MRTFA: variants seen among roughly 807,000 people sequenced by gnomAD.
MRTFA encodes the protein myocardin related transcription factor A.
In MRTFA, 20 loss-of-function variants were observed where a neutral mutation model predicts 83.5. That is an observed-to-expected ratio of 0.24 (90% CI 0.17 to 0.35). The LOEUF is 0.35. MRTFA is among the 10% of genes least tolerant of loss of function. The pLI, the probability that MRTFA is intolerant of heterozygous loss-of-function variation, is 1.00. For missense variants in MRTFA, 1,200 were observed against 1,224.7 expected, an observed-to-expected ratio of 0.98 and a Z score of 0.30; for synonymous variants, 659 against 541.2, an observed-to-expected ratio of 1.22 and a Z score of -3.02.
At chr22:40,479,297 C>A (rs944464207) in intron 3 of MRTFA, among the ~76,000 whole-genome samples, 3 of 152,180 alleles carry the variant, frequency 2.0e-5, no homozygotes, top group Admixed American at 2.0e-4. Context: ...TAGGGTGGGG[C>A]AACCAGCCTT....
intron 4 of MRTFA, among the ~76,000 whole-genome samples, chr22:40,450,863 T>C (rs2053474117): frequency 6.6e-6 from 1 of 152,158 alleles, no homozygotes; most frequent in African/African-American, 2.4e-5. Flanking sequence ...AACTGTGACT[T>C]TCAGGAATTA....
At chr22:40,569,754 TA>T (rs1569333049) in intron 2 of MRTFA, 134 of 151,622 alleles carry the variant, frequency 8.8e-4, no homozygotes, top group African/African-American at 2.9e-3. Context: ...CATACATACA[TA>T]CATACATACA....
intron 2 of MRTFA, among the ~76,000 whole-genome samples, chr22:40,585,960 G>A (rs1446764246): frequency 2.7e-4 from 41 of 152,126 alleles, no homozygotes; most frequent in Non-Finnish European, 4.7e-4. Context: ...ATAGAAACGA[G>A]CAGATTGCAC....
At chr22:40,518,544 A>C (rs2054800850) in intron 3 of MRTFA, among the ~76,000 whole-genome samples, 1 of 152,082 alleles carries the variant, frequency 6.6e-6, no homozygotes, top group African/African-American at 2.4e-5. Flanking sequence ...CTGTAATGCC[A>C]GCACTTTGGG....
intron 2 of MRTFA, among the ~76,000 whole-genome samples, chr22:40,588,872 C>T (rs923653549): frequency 2.6e-5 from 4 of 152,076 alleles, no homozygotes; most frequent in Non-Finnish European, 5.9e-5. Flanking sequence ...ATCCTAGCTA[C>T]CGAGGAGGCT....
At chr22:40,635,189 C>T (rs1416215361) in intron 1 of MRTFA, among the ~76,000 whole-genome samples, 1 of 152,160 alleles carries the variant, frequency 6.6e-6, no homozygotes, top group Non-Finnish European at 1.5e-5. Context: ...GCCAAAGGTT[C>T]CCCACCCTGC....
At chr22:40,580,344 G>A (rs1428557606) in intron 2 of MRTFA, among the ~76,000 whole-genome samples, 5 of 151,612 alleles carry the variant, frequency 3.3e-5, no homozygotes, top group African/African-American at 4.9e-5. Flanking sequence ...GACTACAGGC[G>A]TGCACCACCA....
chr22:40,601,491 G>A (rs1485275761), intron 1 of MRTFA, among the ~76,000 whole-genome samples: 2 of 152,220 alleles, frequency 1.3e-5, no homozygotes, highest in Non-Finnish European at 2.9e-5. Context: ...TTACAGGCAT[G>A]AGCCACCATG....
chr22:40,476,557 A>C (rs2054000260), intron 3 of MRTFA, among the ~76,000 whole-genome samples: 1 of 152,046 alleles, frequency 6.6e-6, no homozygotes. Flanking sequence ...TCCTGGGCTC[A>C]AGCAATTGAT....
chr22:40,457,245 ATC>A (rs1481284755), intron 4 of MRTFA, among the ~76,000 whole-genome samples: 1 of 151,946 alleles, frequency 6.6e-6, no homozygotes, highest in Non-Finnish European at 1.5e-5. Context: ...GGTCCCTGTA[ATC>A]TGAGCTACTT....
chr22:40,489,364 T>TA (rs2054231391), intron 3 of MRTFA, among the ~76,000 whole-genome samples: 1 of 151,944 alleles, frequency 6.6e-6, no homozygotes, highest in Non-Finnish European at 1.5e-5. Flanking sequence ...TTTTTTTTTT[T>TA]ATGGAGACGG....
At chr22:40,427,253 A>C (rs1450400491) in intron 7 of MRTFA, among the ~76,000 whole-genome samples, 2 of 152,158 alleles carry the variant, frequency 1.3e-5, no homozygotes, top group African/African-American at 4.8e-5. Flanking sequence ...ATGAGGCAGG[A>C]TGAACGCCAG....
chr22:40,549,044 T>C (rs113199717), intron 3 of MRTFA, among the ~76,000 whole-genome samples: 194 of 152,266 alleles, frequency 1.3e-3, no homozygotes, highest in South Asian at 8.1e-3. Context: ...TTTAAAAATG[T>C]GTATTTTCCC....
chr22:40,546,076 A>T (rs950564988), intron 3 of MRTFA, among the ~76,000 whole-genome samples: 2 of 152,226 alleles, frequency 1.3e-5, no homozygotes, highest in African/African-American at 4.8e-5. Flanking sequence ...CAGATCAAAG[A>T]AGTACATTTC....
intron 3 of MRTFA, among the ~76,000 whole-genome samples, chr22:40,524,014 T>A (rs1431999427): frequency 6.6e-6 from 1 of 152,208 alleles, no homozygotes; most frequent in Non-Finnish European, 1.5e-5. Flanking sequence ...AGATACAGCA[T>A]CATGAATTGT....
rs529493330 is a variant in MRTFA, at chr22:40,582,124, G to A, written c.-22+12550C>T. Among the ~76,000 whole-genome samples the A allele has an allele frequency of 1.2e-4, 18 of 152,234 alleles. No individual in the cohort carries two copies. The East Asian group carries it at 3.1e-3, about 26-fold the overall frequency. On this transcript the variant is annotated intron_variant, in intron 2 of 14. Coordinates refer to ENST00000355630, the MANE Select transcript of MRTFA (RefSeq NM_020831.6). ...CTACTAATCTACTTTCTGTCTCTAC[G>A]GATTTGCCTATTCTGGACATTTCAC...
At position 40,583,798 on chromosome 22, in the gene MRTFA, C is replaced by A. The variant is rs186233145; in HGVS notation, c.-22+10876G>T. Among the ~76,000 whole-genome samples, 28 of 152,272 alleles carry A rather than the reference C, an allele frequency of 1.8e-4. No homozygotes were observed. In the South Asian group the frequency reaches 5.6e-3, roughly 30 times the overall value. On this transcript the variant is annotated intron_variant, in intron 2 of 14. Transcript: ENST00000355630. The stretch of plus-strand genomic sequence containing the variant: ...GAGCTTCATCCCAAAACCTTGCCCC[C>A]CTGCCTCAGTCCATGGAAAAACTTT...
chr22:40,477,321 G>C (rs1050849523), intron 3 of MRTFA, among the ~76,000 whole-genome samples: 1 of 151,766 alleles, frequency 6.6e-6, no homozygotes, highest in African/African-American at 2.4e-5. Context: ...CTGCCCTCCA[G>C]CCTGGGTGAC....
At chr22:40,465,043 G>C (rs557417665) in intron 3 of MRTFA, among the ~76,000 whole-genome samples, 1 of 152,072 alleles carries the variant, frequency 6.6e-6, no homozygotes, top group Non-Finnish European at 1.5e-5. Context: ...CAAGTACCGT[G>C]AATTTTTTCC....
Sources: allele counts gnomAD v4.1 joint callset (sites outside exome capture counted in the v4.1 genomes callset), GRCh38; gene constraint gnomAD v4.1.1; transcripts MANE v1.5; gene names NCBI Gene and HGNC (gene_info 2026-07-23, HGNC 2026-07-21).